The following HEMK2 variants were observed in gnomAD, a reference collection of about 807,000 sequenced individuals.
The protein encoded by HEMK2 is HemK methyltransferase 2, ETF1 glutamine and histone H4 lysine.
the HEMK2 span, among the ~76,000 whole-genome samples, chr21:28,792,986 G>A: frequency 6.6e-6 from 1 of 152,178 alleles, no homozygotes; most frequent in Non-Finnish European, 1.5e-5. Flanking sequence ...AGGCAACTTG[G>A]ATTTATAATT....
the HEMK2 span, among the ~76,000 whole-genome samples, chr21:28,835,609 T>A: frequency 2.0e-3 from 305 of 152,046 alleles, 4 homozygotes; most frequent in African/African-American, 7.1e-3. Flanking sequence ...CCACATTAGT[T>A]CACCAGCAAT....
At chr21:28,655,698 A>T in the HEMK2 span, among the ~76,000 whole-genome samples, 3 of 152,104 alleles carry the variant, frequency 2.0e-5, no homozygotes, top group East Asian at 5.8e-4. Context: ...TGTGAATTAA[A>T]GATCTGAGCA....
the HEMK2 span, among the ~76,000 whole-genome samples, chr21:28,719,871 C>T: frequency 1.5e-4 from 23 of 152,318 alleles, no homozygotes; most frequent in Admixed American, 1.4e-3. Context: ...GCTTTCATGG[C>T]CATTCACAGA....
the HEMK2 span, chr21:28,880,008 T>C: frequency 1.6e-6 from 2 of 1,227,370 alleles, no homozygotes; most frequent in Non-Finnish European, 2.3e-6. Flanking sequence ...ATTAAATAAC[T>C]GACAAATTAA....
At chr21:28,702,311 A>C in the HEMK2 span, among the ~76,000 whole-genome samples, 1 of 34,714 alleles carries the variant, frequency 2.9e-5, no homozygotes, top group African/African-American at 6.8e-4. Context: ...TATTGCAACA[A>C]AAAAAAAAAA....
chr21:28,841,396 T>TATATATATAATATATATTATATA, the HEMK2 span, among the ~76,000 whole-genome samples: 1 of 32,942 alleles, frequency 3.0e-5, no homozygotes, highest in Non-Finnish European at 4.3e-5. Flanking sequence ...TATAAAATAT[T>TATATATATAATATATATTATATA]ATATATATAA....
the HEMK2 span, among the ~76,000 whole-genome samples, chr21:28,816,917 G>A: frequency 1.3e-5 from 2 of 152,196 alleles, no homozygotes; most frequent in African/African-American, 4.8e-5. Flanking sequence ...AGAAGTCACT[G>A]AAGAAATTTC....
chr21:28,691,856 A>G, the HEMK2 span, among the ~76,000 whole-genome samples: 1 of 152,202 alleles, frequency 6.6e-6, no homozygotes, highest in South Asian at 2.1e-4. Context: ...TCTTTAAATG[A>G]CTTTGTTAAA....
At chr21:28,881,917 C>T in the HEMK2 span, among the ~76,000 whole-genome samples, 9 of 152,170 alleles carry the variant, frequency 5.9e-5, no homozygotes, top group Admixed American at 1.3e-4. Context: ...GGATTAAAGG[C>T]GTGAGCCTTT....
chr21:28,842,668 A>T, the HEMK2 span, among the ~76,000 whole-genome samples: 4 of 152,294 alleles, frequency 2.6e-5, no homozygotes, highest in South Asian at 8.3e-4. Flanking sequence ...GTGCCCAGTC[A>T]CAGAGGATAA....
At chr21:28,680,347 C>G in the HEMK2 span, among the ~76,000 whole-genome samples, 1 of 152,086 alleles carries the variant, frequency 6.6e-6, no homozygotes, top group Admixed American at 6.5e-5. Flanking sequence ...CAAGACTAAA[C>G]CAGGAAGAAG....
chr21:28,674,732 T>A, the HEMK2 span: 1 of 152,258 alleles, frequency 6.6e-6, no homozygotes, highest in Non-Finnish European at 1.5e-5. Context: ...TCATAAAAAA[T>A]TTATTTCTCA....
At chr21:28,653,782 T>C in the HEMK2 span, among the ~76,000 whole-genome samples, 2 of 152,144 alleles carry the variant, frequency 1.3e-5, no homozygotes, top group African/African-American at 4.8e-5. Context: ...GAAATCTCAA[T>C]TGTCACCTGG....
chr21:28,771,911 TA>T, the HEMK2 span, among the ~76,000 whole-genome samples: 72 of 152,042 alleles, frequency 4.7e-4, 1 homozygote, highest in African/African-American at 1.7e-3. Flanking sequence ...AGAAAGGGGC[TA>T]GGGGTGAGGA....
the HEMK2 span, among the ~76,000 whole-genome samples, chr21:28,702,175 C>A: frequency 6.6e-6 from 1 of 151,896 alleles, no homozygotes; most frequent in African/African-American, 2.4e-5. Context: ...TATACAAAAA[C>A]CAACTCAAGA....
At chr21:28,630,735 C>T in the HEMK2 span, among the ~76,000 whole-genome samples, 9 of 132,490 alleles carry the variant, frequency 6.8e-5, no homozygotes, top group African/African-American at 2.6e-4. Flanking sequence ...ACAATGAGAA[C>T]ACATGGACAC....
the HEMK2 span, among the ~76,000 whole-genome samples, chr21:28,759,686 T>C: frequency 1.3e-5 from 2 of 152,110 alleles, no homozygotes; most frequent in African/African-American, 4.8e-5. Flanking sequence ...TGGGGCAGTT[T>C]CCCCCACACT....
the HEMK2 span, among the ~76,000 whole-genome samples, chr21:28,582,335 T>C: frequency 1.3e-5 from 2 of 151,678 alleles, no homozygotes; most frequent in Admixed American, 6.6e-5. Flanking sequence ...ATTAATATCA[T>C]TTTTTTTCTC....
chr21:28,709,055 CCTCA>C, the HEMK2 span, among the ~76,000 whole-genome samples: 1 of 152,122 alleles, frequency 6.6e-6, no homozygotes, highest in East Asian at 1.9e-4. Flanking sequence ...CTTGTTCTAT[CCTCA>C]CATGGTGAAA....
Sources: gnomAD v4.1 joint callset for allele counts (sites outside exome capture counted in the v4.1 genomes callset) on GRCh38, gnomAD v4.1.1 for gene constraint, MANE v1.5 for transcripts, NCBI Gene and HGNC (gene_info 2026-07-23, HGNC 2026-07-21) for gene names.